The following SUSD3 variants were observed in gnomAD, a reference collection of about 807,000 sequenced individuals.
SUSD3 encodes sushi domain-containing protein 3.
SUSD3 carries 18 observed loss-of-function variants against 20.6 expected under a neutral mutation model. The observed-to-expected ratio is 0.87, with a 90% CI of 0.60 to 1.30. The LOEUF is 1.30. Ranked by LOEUF, SUSD3 falls within the 50% of genes most tolerant of loss-of-function variation. The pLI is 0.00. For missense variants in SUSD3, 306 were observed against 346.9 expected, an observed-to-expected ratio of 0.88 and a Z score of 0.94; for synonymous variants, 137 against 141.5, an observed-to-expected ratio of 0.97 and a Z score of 0.23.
intron 1 of SUSD3, among the ~76,000 whole-genome samples, chr9:93,074,457 AAG>A (rs1446634611): frequency 2.7e-5 from 4 of 148,146 alleles, no homozygotes; most frequent in African/African-American, 7.7e-5. Flanking sequence ...AAAAAAAAAA[AAG>A]AACATCACTG....
At chr9:93,075,735 T>TTCCCCCCCCCCCCCCCCCCCCCCCC in intron 1 of SUSD3, 49 bp from the exon 2 acceptor site, 4 of 247,428 alleles carry the variant, frequency 1.6e-5, no homozygotes, top group South Asian at 2.3e-5. Context: ...CTGCCCTGCG[T>TTCCCCCCCCCCCCCCCCCCCCCCCC]GCCCACCCCC....
intron 1 of SUSD3, chr9:93,069,083 T>G: frequency 1.4e-6 from 1 of 702,354 alleles, no homozygotes; most frequent in Non-Finnish European, 2.6e-6. Flanking sequence ...AATGCCTACA[T>G]GATGAGATGA....
At chr9:93,083,085 G>GA (rs1826488144) in intron 4 of SUSD3, among the ~76,000 whole-genome samples, 2 of 152,250 alleles carry the variant, frequency 1.3e-5, no homozygotes, top group African/African-American at 4.8e-5. Context: ...GAGAGCCAGG[G>GA]CGGGAGGGAG....
intron 3 of SUSD3, among the ~76,000 whole-genome samples, 187 bp downstream of exon 3, chr9:93,078,180 A>C (rs979218161): frequency 1.3e-5 from 2 of 152,222 alleles, no homozygotes; most frequent in African/African-American, 4.8e-5. Flanking sequence ...AGCCAGGGGC[A>C]GCATCACAGC....
rs755761471 is a variant in SUSD3 at position 93,084,533 on chromosome 9, A to T, written c.558-4A>T. On this transcript the variant is annotated splice_region_variant and splice_polypyrimidine_tract_variant and intron_variant, in intron 4 of 4. Coordinates refer to ENST00000375472, the MANE Select transcript of SUSD3 (RefSeq NM_145006.4). ...TTGCCAACTCATGCCTCCTCTCTCCACAGAGACCATGGTGAGAGCACCAGC... is the reference window on the plus strand; with the variant it reads ...TTGCCAACTCATGCCTCCTCTCTCCTCAGAGACCATGGTGAGAGCACCAGC... 1 of 1,582,368 alleles carries T rather than the reference A, an allele frequency of 6.3e-7. No individual in the cohort carries two copies. Among genetic ancestry groups the T allele is most frequent in the South Asian group, 1.2e-5 (1 of 86,526 alleles).
chr9:93,083,915 C>G (rs1826527284), intron 4 of SUSD3, among the ~76,000 whole-genome samples: 1 of 152,160 alleles, frequency 6.6e-6, no homozygotes, highest in African/African-American at 2.4e-5. Context: ...GAGGAGAGGA[C>G]ATGCAAAGGG....
intron 1 of SUSD3, among the ~76,000 whole-genome samples, chr9:93,073,244 C>CTTT (rs573555207): frequency 1.9e-4 from 23 of 123,900 alleles, no homozygotes; most frequent in East Asian, 6.9e-4. Flanking sequence ...TGTCCCTGTT[C>CTTT]TTTTTTTTTT....
chr9:93,083,608 C>T (rs1408663183), intron 4 of SUSD3, among the ~76,000 whole-genome samples: 1 of 152,222 alleles, frequency 6.6e-6, no homozygotes, highest in African/African-American at 2.4e-5. Flanking sequence ...AGGTGAAGAA[C>T]TAGGCAGGTT....
intron 1 of SUSD3, among the ~76,000 whole-genome samples, chr9:93,072,653 A>T (rs760425278): frequency 6.6e-6 from 1 of 152,196 alleles, no homozygotes; most frequent in African/African-American, 2.4e-5. Flanking sequence ...TGTCTCGCAG[A>T]TAAAGACCTT....
chr9:93,072,415 A>G lies in SUSD3; in HGVS notation c.89-3369A>G, dbSNP rs1587908190. Among the ~76,000 whole-genome samples, 2 of 152,184 alleles carry G rather than the reference A, an allele frequency of 1.3e-5. 1 individual carries two copies. The highest frequency in any genetic ancestry group is 3.9e-4 in the East Asian group (2 of 5,178). The stretch of plus-strand genomic sequence containing the variant: ...AATGTGACCTGGCCAGCTGCAGCCA[A>G]ATGCCATCCTTCACTGTCACTACCA... On this transcript the variant is annotated intron_variant, in intron 1 of 4. Coordinates refer to ENST00000375472, the MANE Select transcript of SUSD3 (RefSeq NM_145006.4).
chr9:93,058,755 G>A lies in SUSD3; in HGVS notation c.13G>A (p.Ala5Thr), dbSNP rs1284596282. The change falls in exon 1 of 5, where the codon GCC (alanine) becomes ACC (threonine). Residue 5 changes from alanine to threonine, a missense_variant. Physicochemically the swap from Ala to Thr is moderately conservative, Grantham distance 58. Coordinates refer to ENST00000375472, the MANE Select transcript of SUSD3 (RefSeq NM_145006.4). Reference protein sequence around the residue: MRWAAATLRGKARPR... With the variant: MRWATATLRGKARPR... ...CGGAGCGCGCAGGATGCGCTGGGCG[G>A]CCGCCACCCTCCGTGGCAAGGCGAG... 1.2e-5 allele frequency: 15 copies of A among 1,235,978 alleles called. No individual in the cohort carries two copies. Among genetic ancestry groups the A allele is most frequent in the Non-Finnish European group, 1.5e-5 (15 of 989,762 alleles). The allele number at this position is 1,235,978 out of a possible 1,614,324, so 76.6% of individuals were successfully genotyped here. A position where few individuals can be genotyped will look rare whatever the true frequency, so the allele number is the denominator to read the frequency against.
At chr9:93,075,317 A>C (rs1385407143) in intron 1 of SUSD3, among the ~76,000 whole-genome samples, 2 of 150,790 alleles carry the variant, frequency 1.3e-5, no homozygotes, top group African/African-American at 4.9e-5. Flanking sequence ...CGAATTTTTC[A>C]CCTGAGTTGG....
At chr9:93,082,016 T>C (rs899476511) in intron 4 of SUSD3, among the ~76,000 whole-genome samples, 1 of 152,238 alleles carries the variant, frequency 6.6e-6, no homozygotes, top group Non-Finnish European at 1.5e-5. Flanking sequence ...CTGGGAGCTC[T>C]GGTACAAGTG....
At chr9:93,064,170 C>T (rs10821062) in intron 1 of SUSD3, among the ~76,000 whole-genome samples, 32,226 of 152,032 alleles carry the variant, frequency 0.21, 3,558 homozygotes, top group Middle Eastern at 0.29. Context: ...GCCTCAGCCT[C>T]CTAAGTAGCT....
chr9:93,065,946 G>A (rs1318510398), intron 1 of SUSD3, among the ~76,000 whole-genome samples: 2 of 152,198 alleles, frequency 1.3e-5, no homozygotes, highest in Non-Finnish European at 2.9e-5. Flanking sequence ...GTCAGCCCAG[G>A]GTTATAGGAA....
intron 1 of SUSD3, 98 bp downstream of exon 1, chr9:93,058,928 G>T: frequency 5.9e-6 from 4 of 677,734 alleles, no homozygotes; most frequent in Non-Finnish European, 8.4e-6. Flanking sequence ...ACAGCCGTGG[G>T]TGGGGGCCAC....
chr9:93,084,396 C>G (rs1826557864), intron 4 of SUSD3, 141 bp from the exon 5 acceptor site: 1 of 699,954 alleles, frequency 1.4e-6, no homozygotes, highest in Admixed American at 3.7e-5. Flanking sequence ...CAGCTCCCAG[C>G]AGGAGGAAAC....
Position 93,079,254 on chromosome 9 carries a change from G to A in SUSD3, c.426-217G>A, listed in dbSNP as rs544740798. 2.0e-5 allele frequency among the ~76,000 whole-genome samples: 3 copies of A among 152,300 alleles called. No homozygotes were observed. The South Asian group carries it at 6.2e-4, about 32-fold the overall frequency. The stretch of plus-strand genomic sequence containing the variant: ...ACACAGCCATGTTCATTGTCTACTG[G>A]TGTGTGGCTACTTTTGGGCTGCAAT... On this transcript the variant is annotated intron_variant, in intron 3 of 4. Transcript: ENST00000375472.
At chr9:93,071,408 C>G (rs1368548477) in intron 1 of SUSD3, among the ~76,000 whole-genome samples, 4 of 152,334 alleles carry the variant, frequency 2.6e-5, no homozygotes, top group Non-Finnish European at 5.9e-5. Context: ...AACTTGGAGT[C>G]TGATGTTCAA....
Sources: allele counts gnomAD v4.1 joint callset (sites outside exome capture counted in the v4.1 genomes callset), GRCh38; gene constraint gnomAD v4.1.1; transcripts MANE v1.5; gene names NCBI Gene and HGNC (gene_info 2026-07-23, HGNC 2026-07-21).